CCDC178: variants seen among roughly 807,000 people sequenced by gnomAD.
CCDC178 encodes the protein coiled-coil domain-containing protein 178.
CCDC178 carries 126 observed loss-of-function variants against 117.4 expected under a neutral mutation model. The ratio of observed to expected loss-of-function variants is 1.07; its 90% CI spans 0.93 to 1.24. The LOEUF (loss-of-function observed/expected upper bound fraction) is 1.24, where lower values mean the gene tolerates loss of function less well. Ranked by LOEUF, CCDC178 falls within the 50% of genes most tolerant of loss-of-function variation. The pLI, the probability that CCDC178 is intolerant of heterozygous loss-of-function variation, is 0.00. For synonymous variants in CCDC178, 283 were observed against 313.4 expected (o/e 0.90, Z 1.02); for missense variants, 1,030 against 986.9 (o/e 1.04, Z -0.59).
At chr18:33,214,868 C>T (rs1171219321) in intron 19 of CCDC178, among the ~76,000 whole-genome samples, 1 of 151,932 alleles carries the variant, frequency 6.6e-6, no homozygotes, top group African/African-American at 2.4e-5. Context: ...TTGTAGTAAC[C>T]TTCTTTATTT....
chr18:33,246,314 T>C (rs949443007), intron 14 of CCDC178, among the ~76,000 whole-genome samples: 1 of 151,718 alleles, frequency 6.6e-6, no homozygotes, highest in African/African-American at 2.4e-5. Flanking sequence ...ACTCTCAGAA[T>C]GTGGTTCATT....
intron 14 of CCDC178, among the ~76,000 whole-genome samples, chr18:33,248,260 G>A (rs2059573756): frequency 5.9e-5 from 9 of 151,516 alleles, no homozygotes; most frequent in Admixed American, 5.9e-4. Context: ...TTACCAGAAA[G>A]CCTTTATTTT....
chr18:33,123,884 G>T (rs768450472), intron 20 of CCDC178, among the ~76,000 whole-genome samples: 2 of 152,132 alleles, frequency 1.3e-5, no homozygotes, highest in Non-Finnish European at 2.9e-5. Flanking sequence ...CCATTTGCCT[G>T]TCCCTTTTAA....
chr18:33,365,419 G>A (rs981404225), intron 6 of CCDC178, among the ~76,000 whole-genome samples: 2 of 151,998 alleles, frequency 1.3e-5, no homozygotes, highest in African/African-American at 4.8e-5. Flanking sequence ...GGATACACCT[G>A]GTCTGGATGC....
chr18:33,419,872 C>G lies in CCDC178; in HGVS notation c.-22-7762G>C, dbSNP rs146413239. On this transcript the variant is annotated intron_variant, in intron 2 of 22. Coordinates refer to ENST00000383096, the MANE Select transcript of CCDC178 (RefSeq NM_001105528.4). Reference sequence around the variant, plus strand: ...CAGTTGGATGATTTTTCAAAGAACTCAAAACAGAATTACCATTCAACCCAG... The same window carrying G: ...CAGTTGGATGATTTTTCAAAGAACTGAAAACAGAATTACCATTCAACCCAG... Among the ~76,000 whole-genome samples the G allele has an allele frequency of 6.2e-3, 930 of 151,190 alleles. 9 individuals carry two copies. Among genetic ancestry groups the G allele is most frequent in the Non-Finnish European group, 1.0e-2 (677 of 67,824 alleles).
At chr18:33,218,111 T>C (rs536132946) in intron 18 of CCDC178, among the ~76,000 whole-genome samples, 33 of 152,208 alleles carry the variant, frequency 2.2e-4, no homozygotes, top group Non-Finnish European at 3.8e-4. Flanking sequence ...AAGACAAACA[T>C]TTAAAAAATG....
At chr18:33,419,692 C>A (rs1057294879) in intron 2 of CCDC178, among the ~76,000 whole-genome samples, 11 of 152,162 alleles carry the variant, frequency 7.2e-5, no homozygotes, top group African/African-American at 2.4e-4. Context: ...AAATGCTCAA[C>A]ATCATTAATC....
At chr18:33,012,128 T>C (rs2055883610) in intron 21 of CCDC178, among the ~76,000 whole-genome samples, 2 of 152,230 alleles carry the variant, frequency 1.3e-5, no homozygotes, top group African/African-American at 4.8e-5. Context: ...ATTTAGTTTC[T>C]TTCATTAGAT....
intron 21 of CCDC178, among the ~76,000 whole-genome samples, chr18:33,046,608 CA>C (rs1205284396): frequency 6.6e-6 from 1 of 151,958 alleles, no homozygotes; most frequent in Non-Finnish European, 1.5e-5. Flanking sequence ...ATTAAACAAG[CA>C]TTATCAATTT....
chr18:32,973,968 A>T (rs1232769159), intron 22 of CCDC178, among the ~76,000 whole-genome samples: 5 of 152,190 alleles, frequency 3.3e-5, no homozygotes, highest in Non-Finnish European at 7.3e-5. Context: ...GTGGGTTTCT[A>T]AAATATATCA....
At chr18:32,976,693 T>C (rs2055035202) in intron 21 of CCDC178, among the ~76,000 whole-genome samples, 1 of 152,110 alleles carries the variant, frequency 6.6e-6, no homozygotes, top group African/African-American at 2.4e-5. Flanking sequence ...TACTGGTCTT[T>C]ATTATTAAAA....
In CCDC178 at chr18:33,328,082, G is replaced by GTTTTTTTTTTTTTTTTTTTTTTTTTT. The variant is rs2062609334; in HGVS notation, c.880-4450_880-4449insAAAAAAAAAAAAAAAAAAAAAAAAAA. The GTTTTTTTTTTTTTTTTTTTTTTTTTT allele has an allele frequency of 3.7e-5, 9 of 242,062 alleles. 3 individuals carry two copies. Among genetic ancestry groups the GTTTTTTTTTTTTTTTTTTTTTTTTTT allele is most frequent in the African/African-American group, 3.0e-4 (9 of 30,394 alleles). The allele number at this position is 242,062 out of a possible 1,614,324, so 15.0% of individuals were successfully genotyped here. ...CCAAGGTCATAAAGATTTATCCCTA[G>GTTTTTTTTTTTTTTTTTTTTTTTTTT]ATTTTTTTTTTTTTTTTTTTTTTTT... On this transcript the variant is annotated intron_variant, in intron 10 of 22. Transcript: ENST00000383096.
intron 12 of CCDC178, among the ~76,000 whole-genome samples, chr18:33,275,819 A>C (rs1369941362): frequency 1.3e-5 from 2 of 151,880 alleles, no homozygotes; most frequent in Non-Finnish European, 1.5e-5. Flanking sequence ...TTCTACCTAA[A>C]ACAGAGGGAT....
In CCDC178 at chr18:32,964,490, C is replaced by T. The variant is rs573542204; in HGVS notation, c.2523+10057G>A. 2.2e-4 allele frequency among the ~76,000 whole-genome samples: 33 copies of T among 151,892 alleles called. No individual in the cohort carries two copies. In the South Asian group the frequency reaches 6.7e-3, roughly 31 times the overall value. ...TGACTGGGAAGTATGAATGTTTCCA[C>T]GATTAATTAATTTTGGCAAAATGTT... On this transcript the variant is annotated intron_variant, in intron 22 of 22. Transcript: ENST00000383096.
intron 21 of CCDC178, among the ~76,000 whole-genome samples, chr18:33,025,659 C>T (rs1437326895): frequency 6.6e-6 from 1 of 152,078 alleles, no homozygotes; most frequent in African/African-American, 2.4e-5. Context: ...ACATCATTAG[C>T]CATTAGGGGA....
intron 4 of CCDC178, among the ~76,000 whole-genome samples, chr18:33,390,839 CTAAAA>C (rs143415027): frequency 1.0e-3 from 151 of 151,250 alleles, no homozygotes; most frequent in African/African-American, 3.5e-3. Flanking sequence ...TCTAAAACCA[CTAAAA>C]TATTTTTATA....
Position 33,225,171 on chromosome 18 carries a change from T to A in CCDC178, c.1657-235A>T, listed in dbSNP as rs1043878061. ...TAATATAATATATATATGCTTTTTT[T>A]AAATTTTTTGAGGCAGAGTCTTGCT... On this transcript the variant is annotated intron_variant, in intron 16 of 22. Transcript: ENST00000383096. Among the ~76,000 whole-genome samples, 27 of 151,454 alleles carry A rather than the reference T, an allele frequency of 1.8e-4. No individual in the cohort carries two copies. In the South Asian group the frequency reaches 2.1e-3, roughly 12 times the overall value.
At chr18:33,168,819 T>C (rs547705447) in intron 20 of CCDC178, among the ~76,000 whole-genome samples, 1 of 152,330 alleles carries the variant, frequency 6.6e-6, no homozygotes, top group Non-Finnish European at 1.5e-5. Flanking sequence ...CAGAACTTAA[T>C]TGGACCCAAA....
At chr18:33,256,370 T>C (rs1424949580) in intron 14 of CCDC178, among the ~76,000 whole-genome samples, 2 of 151,778 alleles carry the variant, frequency 1.3e-5, no homozygotes, top group African/African-American at 4.8e-5. Context: ...GCAGAAGAGG[T>C]TGAGACCAAC....
Sources: gnomAD v4.1 joint callset for allele counts (sites outside exome capture counted in the v4.1 genomes callset) on GRCh38, gnomAD v4.1.1 for gene constraint, MANE v1.5 for transcripts, NCBI Gene and HGNC (gene_info 2026-07-23, HGNC 2026-07-21) for gene names.